The following ALOXE3 variants were observed in gnomAD, a reference collection of about 807,000 sequenced individuals.
The protein encoded by ALOXE3 is hydroperoxide isomerase ALOXE3.
A neutral mutation model predicts 87.5 loss-of-function variants in ALOXE3; 78 were observed. The observed-to-expected ratio is 0.89, with a 90% confidence interval of 0.74 to 1.08. The LOEUF (loss-of-function observed/expected upper bound fraction) is 1.08, where lower values mean the gene tolerates loss of function less well. ALOXE3 is among the 50% of genes least tolerant of loss of function. The pLI, the probability that ALOXE3 is intolerant of heterozygous loss-of-function variation, is 0.00. For missense variants in ALOXE3, 946 were observed against 912.4 expected (o/e 1.04, Z -0.47); for synonymous variants, 363 against 370.8 (o/e 0.98, Z 0.24).
chr17:8,107,300 T>C (rs1419628501), intron 13 of ALOXE3, among the ~76,000 whole-genome samples: 1 of 152,152 alleles, frequency 6.6e-6, no homozygotes, highest in Non-Finnish European at 1.5e-5. Flanking sequence ...GCAGATCACC[T>C]GAGGTCAGGA....
At chr17:8,115,164 C>T in intron 4 of ALOXE3, 107 bp from the exon 5 acceptor site, 1 of 1,443,500 alleles carries the variant, frequency 6.9e-7, no homozygotes, top group Non-Finnish European at 9.7e-7. Flanking sequence ...CACCTACTTT[C>T]TGGATGAGTG....
intron 15 of ALOXE3, 92 bp from the exon 16 acceptor site, chr17:8,096,898 G>A (rs1431434171): frequency 1.4e-6 from 2 of 1,450,604 alleles, no homozygotes; most frequent in Non-Finnish European, 1.9e-6. Flanking sequence ...CAGTCAAGGT[G>A]GCTTCTAGTA....
chr17:8,114,721 C>T (rs894419671), intron 5 of ALOXE3, 112 bp from the exon 6 acceptor site: 37 of 1,527,410 alleles, frequency 2.4e-5, no homozygotes, highest in African/African-American at 1.4e-4. Context: ...CTCTTACTCC[C>T]GGCTCCTCCC....
intron 7 of ALOXE3, 34 bp downstream of exon 7, chr17:8,112,058 TG>T (rs763624422): frequency 6.4e-7 from 1 of 1,560,530 alleles, no homozygotes; most frequent in South Asian, 1.1e-5. Flanking sequence ...TGAGATAAGG[TG>T]AGGGGTAGAC....
intron 7 of ALOXE3, among the ~76,000 whole-genome samples, chr17:8,111,848 C>G (rs1025251802): frequency 6.6e-6 from 1 of 152,008 alleles, no homozygotes; most frequent in African/African-American, 2.4e-5. Context: ...GACTGTGACC[C>G]TCTCCCAGGC....
At chr17:8,107,466 G>A (rs1038697748) in intron 13 of ALOXE3, among the ~76,000 whole-genome samples, 10 of 152,152 alleles carry the variant, frequency 6.6e-5, no homozygotes, top group Non-Finnish European at 1.2e-4. Context: ...GCAGTAAGCC[G>A]AGATTGTGCC....
chr17:8,100,640 G>C (rs1032956597), intron 15 of ALOXE3, among the ~76,000 whole-genome samples: 1 of 152,052 alleles, frequency 6.6e-6, no homozygotes, highest in Non-Finnish European at 1.5e-5. Flanking sequence ...ATGGGGTCTT[G>C]TTATGTGGCC....
chr17:8,100,123 G>C (rs1978830377), intron 15 of ALOXE3, among the ~76,000 whole-genome samples: 1 of 149,956 alleles, frequency 6.7e-6, no homozygotes, highest in Admixed American at 6.6e-5. Flanking sequence ...GAAAGAAAGA[G>C]AGGGAGGGAG....
Position 8,116,895 on chromosome 17 carries a change from C to G in ALOXE3, c.233G>C (p.Arg78Pro). The G allele has an allele frequency of 3.1e-6, 5 of 1,614,248 alleles. No individual in the cohort carries two copies. The highest frequency in any genetic ancestry group is 4.2e-6 in the Non-Finnish European group (5 of 1,180,050). ...RVHKERYAFF[R>P]KDSWYCSRIC... ...GCGGCTACAGTACCAAGAGTCCTTGCGGAAGAAAGCGTAGCGCTCCTTGTG... is the reference window on the plus strand; with the variant it reads ...GCGGCTACAGTACCAAGAGTCCTTGGGGAAGAAAGCGTAGCGCTCCTTGTG... The change falls in exon 3 of 16, where the codon CGC becomes CCC. Residue 78 changes from arginine to proline, a missense_variant. Coordinates refer to ENST00000448843, the MANE Select transcript of ALOXE3 (RefSeq NM_021628.3).
Position 8,118,007 on chromosome 17 carries a change from G to A in ALOXE3, c.-17C>T, listed in dbSNP as rs766229382. ...CACTGCCATGATGGGAAGGAGGAAG[G>A]GATGCCCCGGCAACGCTGGCCGCAG... On this transcript the variant is annotated 5_prime_UTR_variant, in exon 2 of 16. Transcript: ENST00000448843. The A allele has an allele frequency of 5.0e-6, 8 of 1,609,174 alleles. No homozygotes were observed. The East Asian group carries it at 6.7e-5, about 13-fold the overall frequency.
In ALOXE3 at chr17:8,116,785, G is replaced by A. The variant is rs758812999; in HGVS notation, c.343C>T (p.Pro115Ser). ...CTCGTCTCTGGCCCACCTGTTCCTG[G>A]CCTCAGCTCCACGGTGCAGTAGCCT... ...IEGYCTVELR[P>S]GTARTICQDS... Residue 115 changes from proline (P) to serine (S), a missense_variant, in exon 3 of 16, where the codon CCA becomes TCA. Pro to Ser is a moderately conservative substitution (Grantham distance 74, BLOSUM62 -1). Transcript: ENST00000448843. 4 of 1,614,146 alleles carry A rather than the reference G, an allele frequency of 2.5e-6. No individual in the cohort carries two copies. The Admixed American group carries it at 6.7e-5, about 27-fold the overall frequency.
chr17:8,112,143 T>A lies in ALOXE3; in HGVS notation c.734A>T (p.Lys245Met), dbSNP rs775302169. 8.7e-6 allele frequency: 14 copies of A among 1,614,154 alleles called. No individual in the cohort carries two copies. Among genetic ancestry groups the A allele is most frequent in the Non-Finnish European group, 5.9e-6 (7 of 1,180,028 alleles). ...GAAGATGTTCTGCATGTCATCCAGC[T>A]TCTTCCAGGAGCCCTTGCGATCCAA... ...GLLDRKGSWK[K>M]LDDMQNIFWC... The change falls in exon 7 of 16, where the codon AAG becomes ATG. Residue 245 changes from lysine to methionine, a missense_variant. Lys to Met is a moderately conservative substitution (Grantham distance 95). Transcript: ENST00000448843.
Position 8,117,955 on chromosome 17 carries a change from G to A in ALOXE3, c.36C>T (p.Pro12=), listed in dbSNP as rs1188441149. 1.2e-6 allele frequency: 2 copies of A among 1,612,226 alleles called. No homozygotes were observed. Among genetic ancestry groups the A allele is most frequent in the Admixed American group, 3.3e-5 (2 of 59,866 alleles). Residue 12 remains proline (P), a synonymous_variant, in exon 2 of 16, where the codon CCC becomes CCT. Coordinates refer to ENST00000448843, the MANE Select transcript of ALOXE3 (RefSeq NM_021628.3). The part of the protein sequence containing the change: ...AVYRLCVTTG[P]YLRAGTLDNI... ...TGTCCAGTGTGCCGGCCCTCAGGTA[G>A]GGACCAGTGGTCACACACAGGCGGT...
Position 8,109,992 on chromosome 17 carries a change from G to A in ALOXE3, c.1316C>T (p.Pro439Leu). 1 of 1,554,110 alleles carries A rather than the reference G, an allele frequency of 6.4e-7. No homozygotes were observed. Among genetic ancestry groups the A allele is most frequent in the Non-Finnish European group, 8.7e-7 (1 of 1,148,350 alleles). ...LCHPIYKLLL[P>L]HTRYTLQVNT... is the part of the protein sequence containing the mutation. ...CACCTGCAGCGTGTATCGAGTGTGG[G>A]GGAGTAGGAGCTGCGAGCGGAGCGG... is the stretch of plus-strand genomic sequence containing the variant. The change falls in exon 11 of 16, where the codon CCC (proline) becomes CTC (leucine). Residue 439 changes from proline to leucine, a missense_variant. Coordinates refer to ENST00000448843, the MANE Select transcript of ALOXE3 (RefSeq NM_021628.3).
chr17:8,107,845 G>GGTTGGTGGCTGGAGGGGCCACGTGGC, intron 13 of ALOXE3, among the ~76,000 whole-genome samples: 1 of 2,258 alleles, frequency 4.4e-4, no homozygotes, highest in Admixed American at 6.9e-3. Flanking sequence ...AAGAAAGAAA[G>GGTTGGTGGCTGGAGGGGCCACGTGGC]AAAGAAAGAA....
chr17:8,103,120 G>A (rs1185700307), intron 15 of ALOXE3, among the ~76,000 whole-genome samples: 11 of 152,166 alleles, frequency 7.2e-5, no homozygotes, highest in Non-Finnish European at 1.5e-4. Flanking sequence ...ATGGATGGAC[G>A]GACAGATTGG....
chr17:8,108,392 C>T, intron 13 of ALOXE3, 76 bp downstream of exon 13: 1 of 1,581,214 alleles, frequency 6.3e-7, no homozygotes, highest in Non-Finnish European at 8.6e-7. Flanking sequence ...CAATAAATAA[C>T]TGATGGGAGT....
chr17:8,108,059 G>GAAAGAAA (rs1555647176), intron 13 of ALOXE3, among the ~76,000 whole-genome samples: 10 of 149,980 alleles, frequency 6.7e-5, no homozygotes, highest in Non-Finnish European at 1.3e-4. Context: ...AAGAAAGAAA[G>GAAAGAAA]AAAGAAAGGA....
intron 1 of ALOXE3, 53 bp from the exon 2 acceptor site, chr17:8,118,356 A>C: frequency 3.2e-6 from 5 of 1,551,714 alleles, no homozygotes; most frequent in Non-Finnish European, 4.4e-6. Context: ...TAACGCCTGT[A>C]TAATTGGGAC....
Sources: gnomAD v4.1 joint callset for allele counts (sites outside exome capture counted in the v4.1 genomes callset) on GRCh38, gnomAD v4.1.1 for gene constraint, MANE v1.5 for transcripts, NCBI Gene and HGNC (gene_info 2026-07-23, HGNC 2026-07-21) for gene names.